Variants in CYTH3 observed in about 807,000 individuals in gnomAD.
CYTH3 encodes the protein cytohesin-3.
A neutral mutation model predicts 55.1 loss-of-function variants in CYTH3; 23 were observed. That is an observed-to-expected ratio of 0.42 (90% CI 0.30 to 0.59). The LOEUF (loss-of-function observed/expected upper bound fraction) is 0.59. CYTH3 is among the 20% of genes least tolerant of loss of function. The pLI, the probability that CYTH3 is intolerant of heterozygous loss-of-function variation, is 0.20. For missense variants in CYTH3, 413 were observed against 524.8 expected, an observed-to-expected ratio of 0.79 and a Z score of 2.08; for synonymous variants, 249 against 194.9, an observed-to-expected ratio of 1.28 and a Z score of -2.31.
intron 1 of CYTH3, among the ~76,000 whole-genome samples, chr7:6,195,497 C>T (rs1366773341): frequency 6.6e-6 from 1 of 152,070 alleles, no homozygotes; most frequent in African/African-American, 2.4e-5. Context: ...CTCTCTCACC[C>T]AGGCTGGAGT....
intron 1 of CYTH3, among the ~76,000 whole-genome samples, chr7:6,251,259 G>A (rs1779955048): frequency 6.6e-6 from 1 of 151,596 alleles, no homozygotes; most frequent in Non-Finnish European, 1.5e-5. Context: ...TGGGCAACAA[G>A]AGCGAAACAC....
intron 1 of CYTH3, among the ~76,000 whole-genome samples, chr7:6,245,844 C>T (rs1779799678): frequency 6.6e-6 from 1 of 152,190 alleles, no homozygotes; most frequent in South Asian, 2.1e-4. Flanking sequence ...GTCAAGGTTG[C>T]AATGAGCCGA....
chr7:6,170,472 C>T lies in CYTH3; in HGVS notation c.823+63G>A. 6.7e-7 allele frequency: 1 copy of T among 1,485,080 alleles called. No individual in the cohort carries two copies. Among genetic ancestry groups the T allele is most frequent in the South Asian group, 1.2e-5 (1 of 83,504 alleles). The allele number at this position is 1,485,080 out of a possible 1,614,324, so 92.0% of individuals were successfully genotyped here. A position where few individuals can be genotyped will look rare whatever the true frequency, so the allele number is the denominator to read the frequency against. On this transcript the variant is annotated intron_variant, in intron 9 of 12. Transcript: ENST00000350796. The surrounding 1 kb of genome is among the most constrained non-coding windows in gnomAD (Gnocchi z 7.8). ...ATTCCTACGATGAGCCTGGGAGGAA[C>T]CCGAGGGGCTGCTGCCATGGGCAGA...
intron 5 of CYTH3, 92 bp downstream of exon 5, chr7:6,177,731 G>A: frequency 6.0e-6 from 6 of 996,870 alleles, no homozygotes; most frequent in South Asian, 5.5e-5. Context: ...ATGCCTTTAG[G>A]CTGTGATGGC....
chr7:6,186,127 T>C (rs1011041263), intron 4 of CYTH3, among the ~76,000 whole-genome samples: 8 of 150,016 alleles, frequency 5.3e-5, no homozygotes, highest in East Asian at 2.0e-4. Flanking sequence ...GCCTGTAGTC[T>C]CAGCTACCCG....
At chr7:6,165,947 T>TC in intron 9 of CYTH3, 137 bp from the exon 10 acceptor site, 1 of 808,812 alleles carries the variant, frequency 1.2e-6, no homozygotes, top group Non-Finnish European at 2.0e-6. Flanking sequence ...CAGGTGTCCT[T>TC]CAGCGTTCCC....
At chr7:6,229,431 C>T (rs1010124349) in intron 1 of CYTH3, among the ~76,000 whole-genome samples, 2 of 152,068 alleles carry the variant, frequency 1.3e-5, no homozygotes, top group African/African-American at 2.4e-5. Context: ...AGTGGTCCAC[C>T]GCCCAACTGC....
Position 6,170,587 on chromosome 7 carries a change from G to A in CYTH3, c.771C>T (p.Asp257=), listed in dbSNP as rs1409729872. Residue 257 remains aspartate, a synonymous_variant, in exon 9 of 13, where the codon GAC becomes GAT. Coordinates refer to ENST00000350796, the MANE Select transcript of CYTH3 (RefSeq NM_004227.4). This position sits in a 1 kb window ranked among gnomAD's most constrained non-coding sequence, Gnocchi z 7.8. The part of the protein sequence containing the change: ...PFKIPEDDGN[D]LTHTFFNPDR... ...CGGGGTTGAAGAAGGTGTGGGTCAG[G>A]TCGTTCCCGTCGTCCTCCGGGATCT... 6.2e-7 allele frequency: 1 copy of A among 1,614,026 alleles called. No individual in the cohort carries two copies. The highest frequency in any genetic ancestry group is 1.7e-5 in the Admixed American group (1 of 60,024).
rs191695079 is a variant in CYTH3 at position 6,203,269 on chromosome 7, G to A, written c.35-12738C>T. ...TTTAATGGACATAATATACTTCACT[G>A]ATTATAAGATGTGCTTTTTTTTCAC... is the stretch of plus-strand genomic sequence containing the variant. On this transcript the variant is annotated intron_variant, in intron 1 of 12. Coordinates refer to ENST00000350796, the MANE Select transcript of CYTH3 (RefSeq NM_004227.4). Among the ~76,000 whole-genome samples, 7 of 151,700 alleles carry A rather than the reference G, an allele frequency of 4.6e-5. No homozygotes were observed. The East Asian group carries it at 7.7e-4, about 17-fold the overall frequency.
intron 1 of CYTH3, among the ~76,000 whole-genome samples, chr7:6,200,323 T>C (rs532401494): frequency 2.0e-5 from 3 of 152,218 alleles, no homozygotes; most frequent in Non-Finnish European, 4.4e-5. Context: ...TATGAGATCT[T>C]CCACGGAGTT....
intron 1 of CYTH3, among the ~76,000 whole-genome samples, chr7:6,236,122 G>T (rs569775858): frequency 2.0e-5 from 3 of 152,194 alleles, no homozygotes; most frequent in Middle Eastern, 3.4e-3. Context: ...AGACAGCTGC[G>T]GAATCTTAAA....
At chr7:6,204,434 A>C (rs944433178) in intron 1 of CYTH3, among the ~76,000 whole-genome samples, 1 of 152,188 alleles carries the variant, frequency 6.6e-6, no homozygotes, top group African/African-American at 2.4e-5. Flanking sequence ...AGAGCAGTGA[A>C]GCAGAAGTCC....
chr7:6,215,343 A>C (rs148923063), intron 1 of CYTH3, among the ~76,000 whole-genome samples: 4,282 of 152,092 alleles, frequency 0.028, 95 homozygotes, highest in Middle Eastern at 0.065. Context: ...GTAATCCCAG[A>C]ACTTTGGGAT....
In CYTH3 at chr7:6,164,930, T is replaced by G. The variant is rs778527499; in HGVS notation, c.*14A>C. On this transcript the variant is annotated 3_prime_UTR_variant, in exon 13 of 13. Transcript: ENST00000350796. ...GGGGTTGGGTCTTTTACCTGGGTCT[T>G]TTAGCCAGGAAAGCTATTTTTTATT... The G allele has an allele frequency of 2.5e-6, 4 of 1,614,244 alleles. No individual in the cohort carries two copies. The East Asian group carries it at 8.9e-5, about 36-fold the overall frequency.
At chr7:6,256,152 G>T (rs573935173) in intron 1 of CYTH3, among the ~76,000 whole-genome samples, 4 of 152,302 alleles carry the variant, frequency 2.6e-5, no homozygotes, top group Admixed American at 6.5e-5. Flanking sequence ...ATCTGTTCTT[G>T]AAATTCCCAG....
At chr7:6,175,656 T>G (rs1783333583) in intron 5 of CYTH3, among the ~76,000 whole-genome samples, 1 of 150,162 alleles carries the variant, frequency 6.7e-6, no homozygotes, top group African/African-American at 2.5e-5. Context: ...CAAGCGATTC[T>G]CCTGCCTCAG....
intron 1 of CYTH3, among the ~76,000 whole-genome samples, chr7:6,249,744 C>G (rs1406237134): frequency 2.0e-5 from 3 of 152,150 alleles, no homozygotes; most frequent in African/African-American, 7.2e-5. Context: ...CAATTGACAA[C>G]TAAAAATTGG....
At chr7:6,200,735 A>T (rs966705410) in intron 1 of CYTH3, among the ~76,000 whole-genome samples, 2 of 152,124 alleles carry the variant, frequency 1.3e-5, no homozygotes, top group African/African-American at 4.8e-5. Flanking sequence ...CACCTATCTC[A>T]TAACACTGTT....
At chr7:6,201,154 C>T (rs997187962) in intron 1 of CYTH3, among the ~76,000 whole-genome samples, 3 of 152,312 alleles carry the variant, frequency 2.0e-5, no homozygotes, top group Middle Eastern at 3.4e-3. Flanking sequence ...AGGGGCTGCG[C>T]TCTGCCTCTC....
Sources: allele counts gnomAD v4.1 joint callset (sites outside exome capture counted in the v4.1 genomes callset), GRCh38; gene constraint gnomAD v4.1.1; non-coding constraint Gnocchi (gnomAD v3.1); transcripts MANE v1.5; gene names NCBI Gene and HGNC (gene_info 2026-07-23, HGNC 2026-07-21).